Variants in NELFB observed in about 807,000 individuals in gnomAD.
NELFB encodes the protein negative elongation factor complex member B.
In NELFB, 34 loss-of-function variants were observed where a neutral mutation model predicts 60.2. The ratio of observed to expected loss-of-function variants is 0.56; its 90% CI spans 0.43 to 0.75. The LOEUF is 0.75. Among genes scored for constraint, NELFB ranks in the 30% least tolerant of loss-of-function variants. The pLI, the probability that NELFB is intolerant of heterozygous loss-of-function variation, is 0.00. For missense variants in NELFB, 770 were observed against 831.6 expected, an observed-to-expected ratio of 0.93 and a Z score of 0.91; for synonymous variants, 459 against 382.1, an observed-to-expected ratio of 1.20 and a Z score of -2.35.
rs1830593172 is a variant in NELFB, at chr9:137,272,264, G to C, written c.1631+42G>C. 2.5e-6 allele frequency: 4 copies of C among 1,606,406 alleles called. No homozygotes were observed. The South Asian group carries it at 4.4e-5, about 18-fold the overall frequency. On this transcript the variant is annotated intron_variant, in intron 11 of 12. Transcript: ENST00000343053. ...CCATCCGGCCCGCTCTGTCCTCTCA[G>C]CTCTTGTCCGTAGCAGCCTGAGAGG...
chr9:137,265,031 CTTT>C (rs60479210), intron 6 of NELFB, among the ~76,000 whole-genome samples: 3 of 126,172 alleles, frequency 2.4e-5, no homozygotes, highest in Non-Finnish European at 4.9e-5. Context: ...TTTTTTCTTC[CTTT>C]TTTTTTTTTT....
chr9:137,268,462 T>G (rs889583589), intron 10 of NELFB, among the ~76,000 whole-genome samples: 2 of 152,196 alleles, frequency 1.3e-5, no homozygotes, highest in East Asian at 3.8e-4. Flanking sequence ...GGTGGGTGCC[T>G]GTAATCTCAG....
intron 4 of NELFB, among the ~76,000 whole-genome samples, chr9:137,260,431 T>G (rs1441393863): frequency 6.8e-6 from 1 of 147,646 alleles, no homozygotes; most frequent in Non-Finnish European, 1.5e-5. Flanking sequence ...TTTTATATTT[T>G]GTTTTATTTT....
rs1554791919 is a variant in NELFB, at chr9:137,269,288, C to T, written c.1489+1942C>T. 6.6e-6 allele frequency among the ~76,000 whole-genome samples: 1 copy of T among 152,148 alleles called. No individual in the cohort carries two copies. The highest frequency in any genetic ancestry group is 1.5e-5 in the Non-Finnish European group (1 of 68,014). ...AATGACCACAGACAGTGGCATTAGA[C>T]AGCGCAGGCAGACATGACCTCCTGG... On this transcript the variant is annotated intron_variant, in intron 10 of 12. Coordinates refer to ENST00000343053, the MANE Select transcript of NELFB (RefSeq NM_015456.5). The surrounding 1 kb of genome is among the most constrained non-coding windows in gnomAD (Gnocchi z 5.3).
At chr9:137,271,965 CTG>C in intron 10 of NELFB, 114 bp from the exon 11 acceptor site, 1 of 1,350,810 alleles carries the variant, frequency 7.4e-7, no homozygotes, top group Non-Finnish European at 1.0e-6. Flanking sequence ...CTCAGAACAA[CTG>C]AGAACTCTCA....
chr9:137,271,914 C>G (rs931394113), intron 10 of NELFB, among the ~76,000 whole-genome samples, 167 bp from the exon 11 acceptor site: 1 of 148,362 alleles, frequency 6.7e-6, no homozygotes, highest in African/African-American at 2.5e-5. Flanking sequence ...CTGTCCACTT[C>G]CCACCCCCCT....
In NELFB at chr9:137,267,455, C is replaced by T. The variant is rs1830535364; in HGVS notation, c.1489+109C>T. On this transcript the variant is annotated intron_variant, in intron 10 of 12. Coordinates refer to ENST00000343053, the MANE Select transcript of NELFB (RefSeq NM_015456.5). ...GCCCCCAGGAGCTGCCTTGTCTCCCCAGCCCACCTCCAACTTTGCTAGCTT... is the reference window on the plus strand; with the variant it reads ...GCCCCCAGGAGCTGCCTTGTCTCCCTAGCCCACCTCCAACTTTGCTAGCTT... 6 of 795,020 alleles carry T rather than the reference C, an allele frequency of 7.5e-6. No individual in the cohort carries two copies. The East Asian group carries it at 1.7e-4, about 22-fold the overall frequency. The allele number at this position is 795,020 out of a possible 1,614,324, so 49.2% of individuals were successfully genotyped here.
chr9:137,263,478 C>T (rs1355077782), intron 5 of NELFB, among the ~76,000 whole-genome samples: 3 of 131,352 alleles, frequency 2.3e-5, no homozygotes, highest in African/African-American at 5.9e-5. Flanking sequence ...CCTTCCCCCT[C>T]TGCCCCTCCT....
At chr9:137,270,057 C>T (rs1172423207) in intron 10 of NELFB, among the ~76,000 whole-genome samples, 1 of 152,170 alleles carries the variant, frequency 6.6e-6, no homozygotes, top group Non-Finnish European at 1.5e-5. Context: ...CATCTCCAAC[C>T]TCCCCGGGGT....
intron 4 of NELFB, among the ~76,000 whole-genome samples, chr9:137,260,411 T>TTTATG (rs1830422088): frequency 1.3e-5 from 2 of 149,196 alleles, no homozygotes; most frequent in Non-Finnish European, 3.0e-5. Flanking sequence ...TTTTATTTAT[T>TTTATG]TTATTTTAAT....
chr9:137,258,782 A>G (rs1837598345), intron 4 of NELFB, among the ~76,000 whole-genome samples: 1 of 152,182 alleles, frequency 6.6e-6, no homozygotes, highest in Non-Finnish European at 1.5e-5. Context: ...AGCACTGTTC[A>G]GTGGAAAAAG....
rs180995800 is a variant in NELFB at position 137,271,380 on chromosome 9, G to A, written c.1490-701G>A. ...GGCCATCCTCAACCTGTCCGCACACGTCACCTCCATGTGGCCTGGCCACAG... is the reference window on the plus strand; with the variant it reads ...GGCCATCCTCAACCTGTCCGCACACATCACCTCCATGTGGCCTGGCCACAG... On this transcript the variant is annotated intron_variant, in intron 10 of 12. Coordinates refer to ENST00000343053, the MANE Select transcript of NELFB (RefSeq NM_015456.5). Among the ~76,000 whole-genome samples, 9 of 152,374 alleles carry A rather than the reference G, an allele frequency of 5.9e-5. No homozygotes were observed. The East Asian group carries it at 9.6e-4, about 16-fold the overall frequency.
chr9:137,268,478 T>C (rs1830545572), intron 10 of NELFB, among the ~76,000 whole-genome samples: 2 of 151,998 alleles, frequency 1.3e-5, no homozygotes, highest in South Asian at 4.1e-4. Flanking sequence ...CTCAGCTACT[T>C]GGGAGGCTGA....
rs371900282 is a variant in NELFB, at chr9:137,264,366, C to G, written c.1040+9C>G. 1.3e-6 allele frequency: 2 copies of G among 1,568,072 alleles called. No homozygotes were observed. Among genetic ancestry groups the G allele is most frequent in the Non-Finnish European group, 1.7e-6 (2 of 1,156,874 alleles). ...CAGGAGCAGGTGCTGGGGTGAGGGT[C>G]GGCTCCACGAGGCCTCTGCCCCTCA... On this transcript the variant is annotated intron_variant, in intron 6 of 12. Transcript: ENST00000343053.
chr9:137,266,308 C>T (rs939976630), intron 7 of NELFB, 23 bp from the exon 8 acceptor site: 11 of 1,600,018 alleles, frequency 6.9e-6, no homozygotes, highest in African/African-American at 5.4e-5. Context: ...CTGGGAGAGG[C>T]GCTGAGCCCG....
Position 137,273,218 on chromosome 9 carries a change from C to A in NELFB, c.*290C>A. On this transcript the variant is annotated 3_prime_UTR_variant, in exon 13 of 13. Transcript: ENST00000343053. The stretch of plus-strand genomic sequence containing the variant: ...TGTTAGGAAAAAACCACCTGTTTTC[C>A]AAGGGGAGAGGGCGGGGCCTGAGGG... 3.0e-6 allele frequency: 1 copy of A among 338,870 alleles called. No homozygotes were observed. The allele number at this position is 338,870 out of a possible 1,614,324, so 21.0% of individuals were successfully genotyped here.
In NELFB at chr9:137,264,374, C is replaced by G. The variant is rs369375421; in HGVS notation, c.1040+17C>G. On this transcript the variant is annotated intron_variant, in intron 6 of 12. Coordinates refer to ENST00000343053, the MANE Select transcript of NELFB (RefSeq NM_015456.5). ...GGTGCTGGGGTGAGGGTCGGCTCCA[C>G]GAGGCCTCTGCCCCTCAGGGCCCTG... The G allele has an allele frequency of 6.5e-7, 1 of 1,549,870 alleles. No homozygotes were observed.
chr9:137,268,722 A>C (rs2118988622), intron 10 of NELFB, among the ~76,000 whole-genome samples: 1 of 152,326 alleles, frequency 6.6e-6, no homozygotes, highest in South Asian at 2.1e-4. Flanking sequence ...GAGCACGGGC[A>C]GGGGAGACAG....
At chr9:137,257,588 C>T (rs1449782974) in intron 4 of NELFB, among the ~76,000 whole-genome samples, 2 of 150,306 alleles carry the variant, frequency 1.3e-5, no homozygotes, top group Admixed American at 1.3e-4. Flanking sequence ...CTGCGACCTC[C>T]GCCTCCCAGG....
Sources: allele counts gnomAD v4.1 joint callset (sites outside exome capture counted in the v4.1 genomes callset), GRCh38; gene constraint gnomAD v4.1.1; non-coding constraint Gnocchi (gnomAD v3.1); transcripts MANE v1.5; gene names NCBI Gene and HGNC (gene_info 2026-07-23, HGNC 2026-07-21).